The following FA2H variants were observed in gnomAD, a reference collection of about 807,000 sequenced individuals.
The protein encoded by FA2H is fatty acid 2-hydroxylase.
Under a neutral mutation model 44.9 loss-of-function variants are expected in FA2H, and 22 were observed. That is an observed-to-expected ratio of 0.49 (90% CI 0.35 to 0.70). The LOEUF (loss-of-function observed/expected upper bound fraction) is 0.70, where lower values mean the gene tolerates loss of function less well. Ranked by LOEUF, FA2H falls within the 30% of genes least tolerant of loss-of-function variation. The pLI is 0.01. For synonymous variants in FA2H, 243 were observed against 213.2 expected, an observed-to-expected ratio of 1.14 and a Z score of -1.22; for missense variants, 501 against 504.9, an observed-to-expected ratio of 0.99 and a Z score of 0.07.
At chr16:74,744,081 C>A (rs1212753515) in intron 1 of FA2H, among the ~76,000 whole-genome samples, 1 of 152,174 alleles carries the variant, frequency 6.6e-6, no homozygotes, top group African/African-American at 2.4e-5. Flanking sequence ...ACTCCAGGAA[C>A]TGGGTCCTGC....
chr16:74,718,672 G>A (rs139955543), intron 5 of FA2H, among the ~76,000 whole-genome samples: 23 of 152,330 alleles, frequency 1.5e-4, no homozygotes, highest in African/African-American at 5.3e-4. Flanking sequence ...ACAGTGTCTC[G>A]CACACAGGAG....
intron 2 of FA2H, among the ~76,000 whole-genome samples, chr16:74,730,119 T>A (rs1962044474): frequency 6.6e-6 from 1 of 152,154 alleles, no homozygotes; most frequent in Non-Finnish European, 1.5e-5. Flanking sequence ...GCCCCCCAGC[T>A]GCTCTGGAGG....
rs1567633957 is a variant in FA2H at position 74,719,161 on chromosome 16, C to T, written c.614-1G>A. On this transcript the variant is annotated splice_acceptor_variant, in intron 4 of 6. Coordinates refer to ENST00000219368, the MANE Select transcript of FA2H (RefSeq NM_024306.5). LOFTEE classifies it high-confidence loss of function. ...GACTTGGGCACTGCCACCGTGTACT[C>T]TGCAGGGTGGCAGGGAGAGCGAGGT... The T allele has an allele frequency of 1.2e-6, 2 of 1,612,546 alleles. No individual in the cohort carries two copies. Among genetic ancestry groups the T allele is most frequent in the Non-Finnish European group, 1.7e-6 (2 of 1,179,714 alleles).
At position 74,713,997 on chromosome 16, in the gene FA2H, G is replaced by A. The variant is rs1243702113; in HGVS notation, c.*193C>T. On this transcript the variant is annotated 3_prime_UTR_variant, in exon 7 of 7. Coordinates refer to ENST00000219368, the MANE Select transcript of FA2H (RefSeq NM_024306.5). ...AGGGCCACCTGGCCACCAAGTGGATGTGACCCTCCTACCAGGGGTCAGGAG... is the reference window on the plus strand; with the variant it reads ...AGGGCCACCTGGCCACCAAGTGGATATGACCCTCCTACCAGGGGTCAGGAG... 1.7e-6 allele frequency: 1 copy of A among 586,582 alleles called. No homozygotes were observed. The highest frequency in any genetic ancestry group is 3.0e-6 in the Non-Finnish European group (1 of 328,096). The allele number at this position is 586,582 out of a possible 1,614,324, so 36.3% of individuals were successfully genotyped here. A position where few individuals can be genotyped will look rare whatever the true frequency, so the allele number is the denominator to read the frequency against.
intron 2 of FA2H, among the ~76,000 whole-genome samples, chr16:74,736,493 C>T (rs1354776952): frequency 5.9e-5 from 9 of 152,082 alleles, no homozygotes; most frequent in Non-Finnish European, 1.2e-4. Flanking sequence ...TCTGGGGGTC[C>T]TAAATGGGCA....
At chr16:74,769,268 A>AT (rs1321812942) in intron 1 of FA2H, among the ~76,000 whole-genome samples, 4 of 150,794 alleles carry the variant, frequency 2.7e-5, no homozygotes, top group Non-Finnish European at 5.9e-5. Flanking sequence ...AATTTTTGTA[A>AT]TTTTTTCTTG....
At chr16:74,723,617 C>G (rs1214520492) in intron 4 of FA2H, among the ~76,000 whole-genome samples, 1 of 152,170 alleles carries the variant, frequency 6.6e-6, no homozygotes, top group Non-Finnish European at 1.5e-5. Context: ...TCAAGTGACC[C>G]CTCTCCCATG....
chr16:74,732,783 G>T (rs985230686), intron 2 of FA2H, among the ~76,000 whole-genome samples: 1 of 152,138 alleles, frequency 6.6e-6, no homozygotes, highest in African/African-American at 2.4e-5. Context: ...ACCACAAGAA[G>T]AAATGTCTAG....
chr16:74,727,269 T>C lies in FA2H; in HGVS notation c.481A>G (p.Ile161Val). 1 of 1,614,064 alleles carries C rather than the reference T, an allele frequency of 6.2e-7. No individual in the cohort carries two copies. Among genetic ancestry groups the C allele is most frequent in the Non-Finnish European group, 8.5e-7 (1 of 1,180,012 alleles). The change falls in exon 3 of 7, where the codon ATT becomes GTT. Residue 161 changes from isoleucine (I) to valine (V), a missense_variant. Transcript: ENST00000219368. ...RPIRLFHSDL[I>V]EGLSKTVWYS... ...CAGACAGTCTTAGAGAGGCCCTCAA[T>C]GAGGTCTGAGTGGAAGAGGCGGATG...
chr16:74,729,170 C>T (rs1427305182), intron 2 of FA2H, among the ~76,000 whole-genome samples: 1 of 152,128 alleles, frequency 6.6e-6, no homozygotes, highest in Non-Finnish European at 1.5e-5. Context: ...GCCACCTCGC[C>T]CGCTAATTTT....
At chr16:74,738,236 G>A (rs987759363) in intron 2 of FA2H, among the ~76,000 whole-genome samples, 1 of 152,124 alleles carries the variant, frequency 6.6e-6, no homozygotes, top group Non-Finnish European at 1.5e-5. Context: ...AGAGAGAGGT[G>A]GGGAAGGTGA....
Position 74,726,257 on chromosome 16 carries a change from C to G in FA2H, c.581G>C (p.Gly194Ala). The change falls in exon 4 of 7, where the codon GGC becomes GCC. Residue 194 changes from glycine to alanine, a missense_variant. By Grantham distance (60) the Gly-to-Ala change is moderately conservative. Coordinates refer to ENST00000219368, the MANE Select transcript of FA2H (RefSeq NM_024306.5). The stretch of plus-strand genomic sequence containing the variant: ...AAATGACGTGAAGAGTCGGACGTTG[C>G]CCTGGGCAAAGGTTCGGTAGTAGGA... Reference protein sequence around the residue: ...SWSYYRTFAQGNVRLFTSFTT... With the variant: ...SWSYYRTFAQANVRLFTSFTT... 1 of 1,613,960 alleles carries G rather than the reference C, an allele frequency of 6.2e-7. No individual in the cohort carries two copies. The highest frequency in any genetic ancestry group is 8.5e-7 in the Non-Finnish European group (1 of 1,179,884).
At chr16:74,734,628 G>T (rs1351279382) in intron 2 of FA2H, among the ~76,000 whole-genome samples, 1 of 152,210 alleles carries the variant, frequency 6.6e-6, no homozygotes, top group African/African-American at 2.4e-5. Flanking sequence ...CTGCCCAGAG[G>T]GTGGGCGGAA....
At chr16:74,766,589 G>A (rs554849371) in intron 1 of FA2H, among the ~76,000 whole-genome samples, 3 of 152,194 alleles carry the variant, frequency 2.0e-5, no homozygotes, top group African/African-American at 7.2e-5. Flanking sequence ...AGTGTAGCGA[G>A]GCTCTAGCCA....
intron 1 of FA2H, among the ~76,000 whole-genome samples, chr16:74,751,884 A>G (rs1962531132): frequency 6.6e-6 from 1 of 152,164 alleles, no homozygotes; most frequent in African/African-American, 2.4e-5. Context: ...CACATATTCA[A>G]TCAGTATTCA....
chr16:74,726,449 C>T (rs904034052), intron 3 of FA2H, 118 bp from the exon 4 acceptor site: 9 of 678,436 alleles, frequency 1.3e-5, no homozygotes, highest in Admixed American at 4.4e-5. Flanking sequence ...AGTGCAATGG[C>T]GTGATTTCGG....
chr16:74,730,813 G>A (rs998460724), intron 2 of FA2H, among the ~76,000 whole-genome samples: 6 of 152,270 alleles, frequency 3.9e-5, no homozygotes, highest in Non-Finnish European at 8.8e-5. Flanking sequence ...CTTGATCCTC[G>A]CCATACCCCT....
intron 1 of FA2H, among the ~76,000 whole-genome samples, chr16:74,772,138 G>A (rs1962921656): frequency 6.6e-6 from 1 of 151,974 alleles, no homozygotes. Context: ...GCCGACTTTT[G>A]GCCTCCCCCC....
intron 1 of FA2H, among the ~76,000 whole-genome samples, chr16:74,742,327 C>T (rs879686313): frequency 1.4e-4 from 22 of 152,118 alleles, no homozygotes; most frequent in East Asian, 3.8e-4. Context: ...TGGGGAAATA[C>T]GGCTGTCTGC....
Sources: allele counts gnomAD v4.1 joint callset (sites outside exome capture counted in the v4.1 genomes callset), GRCh38; gene constraint gnomAD v4.1.1; transcripts MANE v1.5; gene names NCBI Gene and HGNC (gene_info 2026-07-23, HGNC 2026-07-21).